PTPN14: variants seen among roughly 807,000 people sequenced by gnomAD.
PTPN14 encodes the protein protein tyrosine phosphatase non-receptor type 14.
A neutral mutation model predicts 126.8 loss-of-function variants in PTPN14; 53 were observed. That is an observed-to-expected ratio of 0.42 (90% CI 0.34 to 0.53). PTPN14 has a LOEUF of 0.53. Among genes scored for constraint, PTPN14 ranks in the 20% least tolerant of loss-of-function variants. PTPN14 has a pLI of 0.08. For synonymous variants in PTPN14, 630 were observed against 599.3 expected (o/e 1.05, Z -0.75); for missense variants, 1,257 against 1,552.9 (o/e 0.81, Z 3.20).
At chr1:214,360,571 G>A (rs1318150675) in intron 18 of PTPN14, among the ~76,000 whole-genome samples, 1 of 152,164 alleles carries the variant, frequency 6.6e-6, no homozygotes, top group East Asian at 1.9e-4. Flanking sequence ...TTACTCTGCG[G>A]TTGGGCACTG....
chr1:214,384,525 C>A lies in PTPN14; in HGVS notation c.1330G>T (p.Asp444Tyr). 5 of 1,614,048 alleles carry A rather than the reference C, an allele frequency of 3.1e-6. No homozygotes were observed. Among genetic ancestry groups the A allele is most frequent in the Non-Finnish European group, 4.2e-6 (5 of 1,180,020 alleles). Residue 444 changes from aspartate (D) to tyrosine (Y), a missense_variant, in exon 13 of 19, where the codon GAT (aspartate) becomes TAT (tyrosine). Physicochemically the swap from Asp to Tyr is radical, Grantham distance 160 (BLOSUM62 -3). Around this residue, in one of 3 missense-constraint regions of PTPN14, gnomAD observed 1,021 missense variants for 1,183.3 expected, o/e 0.86. Coordinates refer to ENST00000366956, the MANE Select transcript of PTPN14 (RefSeq NM_005401.5). The surrounding 1 kb of genome is among the most constrained non-coding windows in gnomAD (Gnocchi z 5.3). The stretch of plus-strand genomic sequence containing the variant: ...ATCTGGCGCATGACTGTCTCATAAT[C>A]GGGGGTTGGCCTGTACGAGGGCACG... ...IIVPSYRPTP[D>Y]YETVMRQMKR...
intron 18 of PTPN14, among the ~76,000 whole-genome samples, chr1:214,363,624 A>T (rs1384318312): frequency 6.6e-6 from 1 of 152,204 alleles, no homozygotes; most frequent in African/African-American, 2.4e-5. Context: ...TTCTGGCTTC[A>T]GTACCACTGC....
Position 214,393,715 on chromosome 1 carries a change from T to C in PTPN14, c.909A>G (p.Lys303=), listed in dbSNP as rs1185896407. 3 of 1,596,612 alleles carry C rather than the reference T, an allele frequency of 1.9e-6. No individual in the cohort carries two copies. The highest frequency in any genetic ancestry group is 2.6e-6 in the Non-Finnish European group (3 of 1,163,972). ...RLFATRHKFY[K]QNKICTEQSN... ...CTTACTCAGTGCAGATTTTGTTTTG[T>C]TTGTAAAACTTGTGTCGTGTGGCAA... The change falls in exon 10 of 19, where the codon AAA becomes AAG. Residue 303 remains lysine, a synonymous_variant. Coordinates refer to ENST00000366956, the MANE Select transcript of PTPN14 (RefSeq NM_005401.5).
At chr1:214,513,765 G>T (rs1655034483) in intron 1 of PTPN14, among the ~76,000 whole-genome samples, 1 of 152,060 alleles carries the variant, frequency 6.6e-6, no homozygotes, top group Admixed American at 6.5e-5. Flanking sequence ...GGTAAAATGG[G>T]GGCAATAATA....
chr1:214,440,434 G>A (rs1369949023), intron 3 of PTPN14, among the ~76,000 whole-genome samples: 2 of 152,210 alleles, frequency 1.3e-5, no homozygotes, highest in Non-Finnish European at 2.9e-5. Flanking sequence ...GGTAATCAGA[G>A]ATGAGACAGA....
At chr1:214,449,005 A>ATTTTTTTTTTTTTTT (rs1229828407) in intron 3 of PTPN14, among the ~76,000 whole-genome samples, 15 of 97,684 alleles carry the variant, frequency 1.5e-4, no homozygotes, top group Non-Finnish European at 2.3e-4. Flanking sequence ...GTAAGACTTA[A>ATTTTTTTTTTTTTTT]TTTTTCTTTT....
chr1:214,474,077 T>G (rs1427767342), intron 1 of PTPN14, among the ~76,000 whole-genome samples: 1 of 152,206 alleles, frequency 6.6e-6, no homozygotes, highest in African/African-American at 2.4e-5. Context: ...AAACACATTT[T>G]CCATCTCTCT....
rs1028841970 is a variant in PTPN14 at position 214,464,901 on chromosome 1, T to G, written c.-98A>C. On this transcript the variant is annotated 5_prime_UTR_variant, in exon 2 of 19. Coordinates refer to ENST00000366956, the MANE Select transcript of PTPN14 (RefSeq NM_005401.5). ...GACTGGAAAATTACACTATCACCTG[T>G]GCTCCTCCAGGCAGGGAAAAGGGTG... 1.4e-6 allele frequency: 2 copies of G among 1,461,726 alleles called. No individual in the cohort carries two copies. The highest frequency in any genetic ancestry group is 2.4e-5 in the East Asian group (1 of 42,248). 90.5% of individuals were successfully genotyped at this position (1,461,726 alleles called of 1,614,324 possible).
rs150200331 is a variant in PTPN14 at position 214,470,600 on chromosome 1, T to C, written c.-154-5643A>G. Among the ~76,000 whole-genome samples the C allele has an allele frequency of 3.7e-3, 568 of 151,972 alleles. 3 individuals are homozygous for C. Among genetic ancestry groups the C allele is most frequent in the African/African-American group, 0.013 (530 of 41,460 alleles). On this transcript the variant is annotated intron_variant, in intron 1 of 18. Transcript: ENST00000366956. ...GAGTTCAGGACCAGCCTGGCCAATA[T>C]GGTAAAACCCCATCGCTACTAAAAA...
intron 1 of PTPN14, among the ~76,000 whole-genome samples, chr1:214,486,658 A>G (rs950732141): frequency 2.0e-5 from 3 of 152,224 alleles, no homozygotes; most frequent in African/African-American, 7.2e-5. Flanking sequence ...ATGGGAGGCT[A>G]GAAATCAGGG....
chr1:214,491,059 CAAAG>C (rs139407338), intron 1 of PTPN14, among the ~76,000 whole-genome samples: 3,965 of 150,088 alleles, frequency 0.026, 72 homozygotes, highest in Middle Eastern at 0.048. Flanking sequence ...GAAAGAAAAA[CAAAG>C]AAAGAAAGAA....
In PTPN14 at chr1:214,540,649, C is replaced by T. The variant is rs148766312; in HGVS notation, c.-155+10534G>A. Among the ~76,000 whole-genome samples the T allele has an allele frequency of 9.5e-4, 145 of 152,194 alleles. 4 individuals are homozygous for T. In the East Asian group the frequency reaches 0.025, roughly 26 times the overall value. On this transcript the variant is annotated intron_variant, in intron 1 of 18. Coordinates refer to ENST00000366956, the MANE Select transcript of PTPN14 (RefSeq NM_005401.5). ...AGCTACTTCCCAACTGGGACTCACA[C>T]ACGTCCACAGATACTACTACAGCAA... is the stretch of plus-strand genomic sequence containing the variant.
At chr1:214,532,042 A>G (rs1357372031) in intron 1 of PTPN14, 1 of 160,476 alleles carries the variant, frequency 6.2e-6, no homozygotes, top group East Asian at 1.9e-4. Flanking sequence ...TTTGATTGAG[A>G]TAAAAGTTAT....
intron 3 of PTPN14, among the ~76,000 whole-genome samples, chr1:214,443,265 A>G (rs550588589): frequency 8.5e-5 from 13 of 152,346 alleles, no homozygotes; most frequent in Non-Finnish European, 1.8e-4. Context: ...ACAGTAAAAC[A>G]TAAGAAAATC....
intron 2 of PTPN14, among the ~76,000 whole-genome samples, chr1:214,453,096 G>T (rs1265943672): frequency 2.0e-5 from 3 of 152,160 alleles, no homozygotes. Flanking sequence ...ATGCTTTAAA[G>T]ATATTTTAAA....
chr1:214,475,278 GA>G (rs1660844178), intron 1 of PTPN14, among the ~76,000 whole-genome samples: 1 of 152,136 alleles, frequency 6.6e-6, no homozygotes, highest in Admixed American at 6.5e-5. Context: ...TTCCAAAACA[GA>G]ACTTGGATTT....
intron 1 of PTPN14, among the ~76,000 whole-genome samples, chr1:214,471,104 T>A (rs1660749909): frequency 6.6e-6 from 1 of 150,884 alleles, no homozygotes; most frequent in Admixed American, 6.6e-5. Flanking sequence ...AGACTTAGAC[T>A]TTCACCTTTC....
At chr1:214,407,946 C>A (rs527687294) in intron 5 of PTPN14, among the ~76,000 whole-genome samples, 49 of 152,298 alleles carry the variant, frequency 3.2e-4, no homozygotes, top group Non-Finnish European at 6.3e-4. Flanking sequence ...TAGCTACAGT[C>A]AAACCAGCCA....
chr1:214,395,874 C>T (rs1658866851), intron 8 of PTPN14, among the ~76,000 whole-genome samples: 1 of 152,076 alleles, frequency 6.6e-6, no homozygotes, highest in African/African-American at 2.4e-5. Flanking sequence ...TTTTGAGACT[C>T]AGCTCTGGGA....
Sources: allele counts gnomAD v4.1 joint callset (sites outside exome capture counted in the v4.1 genomes callset), GRCh38; gene constraint gnomAD v4.1.1; regional missense constraint gnomAD v4.1.1; non-coding constraint Gnocchi (gnomAD v3.1); transcripts MANE v1.5; gene names NCBI Gene and HGNC (gene_info 2026-07-23, HGNC 2026-07-21).